The following MAML3 variants were observed in gnomAD, a reference collection of about 807,000 sequenced individuals.
MAML3 encodes mastermind like transcriptional coactivator 3.
A neutral mutation model predicts 101.9 loss-of-function variants in MAML3; 27 were observed. The observed-to-expected ratio is 0.27, with a 90% CI of 0.20 to 0.37. The LOEUF (loss-of-function observed/expected upper bound fraction) is 0.37, where lower values mean the gene tolerates loss of function less well. Ranked by LOEUF, MAML3 falls within the 10% of genes least tolerant of loss-of-function variation. The pLI, the probability that MAML3 is intolerant of heterozygous loss-of-function variation, is 1.00. For missense variants in MAML3, 1,316 were observed against 1,444.9 expected (o/e 0.91, Z 1.45); for synonymous variants, 501 against 555.9 (o/e 0.90, Z 1.39).
chr4:139,829,722 C>T (rs1731128097), intron 2 of MAML3, among the ~76,000 whole-genome samples: 1 of 152,222 alleles, frequency 6.6e-6, no homozygotes, highest in South Asian at 2.1e-4. Flanking sequence ...AAAATCTTGT[C>T]TGTATGTGGT....
chr4:140,116,005 T>C (rs189652387), intron 1 of MAML3, among the ~76,000 whole-genome samples: 265 of 152,326 alleles, frequency 1.7e-3, no homozygotes, highest in South Asian at 6.2e-3. Flanking sequence ...ATAGAGTACA[T>C]ATATTTGCCA....
chr4:140,152,342 CT>C (rs1380052312), intron 1 of MAML3, among the ~76,000 whole-genome samples: 3 of 152,170 alleles, frequency 2.0e-5, no homozygotes, highest in African/African-American at 4.8e-5. Flanking sequence ...CGCTTCCCCC[CT>C]AGGGGTTGAG....
chr4:139,774,723 T>A (rs1298792026), intron 2 of MAML3, among the ~76,000 whole-genome samples: 2 of 152,230 alleles, frequency 1.3e-5, no homozygotes, highest in Non-Finnish European at 2.9e-5. Flanking sequence ...ATGATAGTAA[T>A]TTTTAAATCT....
chr4:139,978,189 G>T (rs1230843311), intron 1 of MAML3, among the ~76,000 whole-genome samples: 1 of 152,032 alleles, frequency 6.6e-6, no homozygotes, highest in Non-Finnish European at 1.5e-5. Context: ...GCCCAAGAAG[G>T]TTACAAAAAA....
At chr4:139,883,973 C>A (rs1013107328) in intron 2 of MAML3, among the ~76,000 whole-genome samples, 6 of 149,716 alleles carry the variant, frequency 4.0e-5, no homozygotes, top group African/African-American at 1.2e-4. Context: ...CCCCTGCCTC[C>A]CAGGTTCAAG....
At chr4:139,846,549 T>C (rs11100307) in intron 2 of MAML3, among the ~76,000 whole-genome samples, 44,095 of 151,810 alleles carry the variant, frequency 0.29, 7,317 homozygotes, top group East Asian at 0.68. Context: ...GGTTCTGCCA[T>C]ATTGCCCAGA....
intron 2 of MAML3, among the ~76,000 whole-genome samples, chr4:139,747,739 ATACT>A: frequency 6.6e-6 from 1 of 151,434 alleles, no homozygotes. Context: ...TTGATTACTG[ATACT>A]TACTAAGAGT....
chr4:139,950,456 T>C (rs1391292804), intron 1 of MAML3, among the ~76,000 whole-genome samples: 1 of 152,146 alleles, frequency 6.6e-6, no homozygotes, highest in Non-Finnish European at 1.5e-5. Context: ...CTTTATCCTC[T>C]ATTTGTTCTG....
intron 2 of MAML3, among the ~76,000 whole-genome samples, chr4:139,797,446 C>G (rs556240960): frequency 6.6e-6 from 1 of 152,136 alleles, no homozygotes; most frequent in Admixed American, 6.5e-5. Flanking sequence ...TTCAACAAAT[C>G]AAAGGCATAT....
chr4:140,057,701 G>A (rs962074479), intron 1 of MAML3, among the ~76,000 whole-genome samples: 1 of 152,138 alleles, frequency 6.6e-6, no homozygotes, highest in South Asian at 2.1e-4. Context: ...TTTGGGTTGG[G>A]GAGGTATTAA....
chr4:139,722,215 C>A lies in MAML3; in HGVS notation c.2417-1892G>T, dbSNP rs369805391. On this transcript the variant is annotated intron_variant, in intron 4 of 4. Transcript: ENST00000509479. ...ATAGGCAGTGATACATTAATCCAAG[C>A]CAACCTTTATTTTTTATTTAGTGTA... is the stretch of plus-strand genomic sequence containing the variant. 3.3e-5 allele frequency among the ~76,000 whole-genome samples: 5 copies of A among 152,262 alleles called. No homozygotes were observed. The East Asian group carries it at 5.8e-4, about 18-fold the overall frequency.
chr4:140,034,372 T>C (rs1012818876), intron 1 of MAML3, among the ~76,000 whole-genome samples: 1 of 152,148 alleles, frequency 6.6e-6, no homozygotes, highest in Non-Finnish European at 1.5e-5. Context: ...TAATAAACCA[T>C]TGAAGTTTTG....
chr4:139,866,155 G>A (rs939584479), intron 2 of MAML3, among the ~76,000 whole-genome samples: 1 of 152,250 alleles, frequency 6.6e-6, no homozygotes, highest in African/African-American at 2.4e-5. Context: ...GGCCTTCCCA[G>A]TGGCCACGAA....
At chr4:139,803,724 T>G (rs1730652318) in intron 2 of MAML3, among the ~76,000 whole-genome samples, 1 of 152,206 alleles carries the variant, frequency 6.6e-6, no homozygotes, top group East Asian at 1.9e-4. Context: ...GTCTATAAAG[T>G]GCCTGGCTAT....
At chr4:140,125,191 T>C (rs1392933777) in intron 1 of MAML3, among the ~76,000 whole-genome samples, 1 of 152,190 alleles carries the variant, frequency 6.6e-6, no homozygotes, top group African/African-American at 2.4e-5. Context: ...ATATAAATGA[T>C]ATATACTGAA....
At position 140,037,963 on chromosome 4, in the gene MAML3, G is replaced by A. The variant is rs1469855427; in HGVS notation, c.468+114897C>T. Among the ~76,000 whole-genome samples, 4 of 152,158 alleles carry A rather than the reference G, an allele frequency of 2.6e-5. No individual in the cohort carries two copies. The East Asian group carries it at 7.7e-4, about 29-fold the overall frequency. On this transcript the variant is annotated intron_variant, in intron 1 of 4. Transcript: ENST00000509479. Reference sequence around the variant, plus strand: ...TAGAAAACTATCAATCAGCCTAAATGCAATGTGAGAGAAGTCTCGTTAGCC... The same window carrying A: ...TAGAAAACTATCAATCAGCCTAAATACAATGTGAGAGAAGTCTCGTTAGCC...
intron 1 of MAML3, among the ~76,000 whole-genome samples, chr4:139,981,406 T>C (rs188814765): frequency 2.0e-5 from 3 of 152,310 alleles, no homozygotes; most frequent in African/African-American, 7.2e-5. Flanking sequence ...TGGGCAGGGG[T>C]TGGGAACAGT....
chr4:140,144,372 A>T (rs1578707628), intron 1 of MAML3, among the ~76,000 whole-genome samples: 1 of 151,604 alleles, frequency 6.6e-6, no homozygotes, highest in Non-Finnish European at 1.5e-5. Flanking sequence ...CACAGCAAAA[A>T]CCCACCTCTA....
At chr4:140,047,031 G>A (rs1391977478) in intron 1 of MAML3, among the ~76,000 whole-genome samples, 1 of 152,224 alleles carries the variant, frequency 6.6e-6, no homozygotes, top group African/African-American at 2.4e-5. Flanking sequence ...ATGGTGTTTC[G>A]AAGGACTGGA....
Sources: allele counts gnomAD v4.1 joint callset (sites outside exome capture counted in the v4.1 genomes callset), GRCh38; gene constraint gnomAD v4.1.1; transcripts MANE v1.5; gene names NCBI Gene and HGNC (gene_info 2026-07-23, HGNC 2026-07-21).